Variants in MARCHF4 observed in about 807,000 individuals in gnomAD.
MARCHF4 encodes E3 ubiquitin-protein ligase MARCHF4.
Under a neutral mutation model 43.9 loss-of-function variants are expected in MARCHF4, and 14 were observed. The ratio of observed to expected loss-of-function variants is 0.32; its 90% confidence interval spans 0.21 to 0.50. The LOEUF is 0.50. MARCHF4 is among the 20% of genes least tolerant of loss of function. MARCHF4 has a pLI of 0.98. For synonymous variants in MARCHF4, 226 were observed against 213.3 expected (o/e 1.06, Z -0.52); for missense variants, 468 against 536.7 (o/e 0.87, Z 1.27).
chr2:216,304,949 G>A (rs751105002), intron 1 of MARCHF4, among the ~76,000 whole-genome samples: 13 of 151,658 alleles, frequency 8.6e-5, no homozygotes, highest in East Asian at 1.9e-4. Flanking sequence ...GTGAGACTCC[G>A]TCTCAAAAAA....
chr2:216,259,542 G>A lies in MARCHF4; in HGVS notation c.1003C>T (p.Arg335Trp), dbSNP rs530847926. Residue 335 changes from arginine (R) to tryptophan (W), a missense_variant, in exon 4 of 4, where the codon CGG becomes TGG. Physicochemically the swap from Arg to Trp is moderately radical, Grantham distance 101 (BLOSUM62 -3). Coordinates refer to ENST00000273067, the MANE Select transcript of MARCHF4 (RefSeq NM_020814.3). The stretch of plus-strand genomic sequence containing the variant: ...TTGGCCTGGGTGGATGAGGAGGTCC[G>A]GGGGTTGGTCCTGCCTCCTGCCTTT... ...DQKAGGRTNP[R>W]TSSSTQANIP... 1.6e-4 allele frequency: 258 copies of A among 1,614,174 alleles called. 1 individual carries two copies. Among genetic ancestry groups the A allele is most frequent in the Middle Eastern group, 6.6e-4 (4 of 6,062 alleles).
rs534157230 is a variant in MARCHF4, at chr2:216,263,732, C to T, written c.866-4053G>A. Among the ~76,000 whole-genome samples the T allele has an allele frequency of 6.3e-3, 960 of 152,212 alleles. 5 individuals are homozygous for T. Among genetic ancestry groups the T allele is most frequent in the Non-Finnish European group, 9.9e-3 (676 of 68,004 alleles). ...GTGTGTGTGGGGGAAAGAACAGCCG[C>T]CACCAGTGTGAGGGAAACGGTGTTC... On this transcript the variant is annotated intron_variant, in intron 3 of 3. Coordinates refer to ENST00000273067, the MANE Select transcript of MARCHF4 (RefSeq NM_020814.3).
At chr2:216,339,591 G>A (rs1344792952) in intron 1 of MARCHF4, among the ~76,000 whole-genome samples, 1 of 152,228 alleles carries the variant, frequency 6.6e-6, no homozygotes, top group Non-Finnish European at 1.5e-5. Flanking sequence ...GCTGCTCAGT[G>A]GAGAAGTGTT....
chr2:216,290,659 C>T lies in MARCHF4; in HGVS notation c.517-6930G>A, dbSNP rs572631934. On this transcript the variant is annotated intron_variant, in intron 1 of 3. Transcript: ENST00000273067. ...GTGTTGTGTTCATCCAGGTGAGTCA[C>T]GATGGTGTTTTGGACCACTATTGTA... Among the ~76,000 whole-genome samples, 52 of 152,108 alleles carry T rather than the reference C, an allele frequency of 3.4e-4. 1 individual carries two copies. In the South Asian group the frequency reaches 9.4e-3, roughly 27 times the overall value.
At chr2:216,268,736 A>G (rs1215629800) in intron 3 of MARCHF4, among the ~76,000 whole-genome samples, 1 of 152,238 alleles carries the variant, frequency 6.6e-6, no homozygotes, top group Non-Finnish European at 1.5e-5. Context: ...CTCGTACTGC[A>G]CTAGGCTGCC....
At chr2:216,282,445 A>C (rs1691144523) in intron 2 of MARCHF4, among the ~76,000 whole-genome samples, 1 of 150,128 alleles carries the variant, frequency 6.7e-6, no homozygotes, top group Admixed American at 6.6e-5. Flanking sequence ...AACCCCCATT[A>C]CCCCTCCTGG....
At chr2:216,298,935 C>T (rs1046840841) in intron 1 of MARCHF4, among the ~76,000 whole-genome samples, 9 of 152,144 alleles carry the variant, frequency 5.9e-5, no homozygotes, top group East Asian at 5.8e-4. Context: ...ACTGCCAAAT[C>T]GGCCTTCAGG....
At chr2:216,274,356 G>T (rs1200925310) in intron 3 of MARCHF4, among the ~76,000 whole-genome samples, 1 of 152,144 alleles carries the variant, frequency 6.6e-6, no homozygotes, top group East Asian at 1.9e-4. Flanking sequence ...CTCTCTGGAA[G>T]TCCCCATGAG....
At chr2:216,270,134 G>A (rs1050618473) in intron 3 of MARCHF4, among the ~76,000 whole-genome samples, 1 of 151,512 alleles carries the variant, frequency 6.6e-6, no homozygotes, top group Admixed American at 6.6e-5. Context: ...GGAGTGCAGT[G>A]GCATAATCAT....
intron 1 of MARCHF4, among the ~76,000 whole-genome samples, chr2:216,339,499 A>G (rs1218038201): frequency 6.6e-6 from 1 of 152,146 alleles, no homozygotes; most frequent in Non-Finnish European, 1.5e-5. Context: ...TTTTTAGTAA[A>G]TATGTCAAAA....
intron 3 of MARCHF4, among the ~76,000 whole-genome samples, chr2:216,267,448 C>A (rs1479195059): frequency 1.3e-5 from 2 of 152,218 alleles, no homozygotes; most frequent in African/African-American, 4.8e-5. Context: ...GCAAAAGACT[C>A]AGCAGCCCAA....
chr2:216,274,868 G>A (rs1690996169), intron 3 of MARCHF4, among the ~76,000 whole-genome samples: 1 of 148,702 alleles, frequency 6.7e-6, no homozygotes, highest in South Asian at 2.2e-4. Context: ...AATGGTATAG[G>A]TTCTTATTAT....
chr2:216,314,383 G>A (rs1183828536), intron 1 of MARCHF4, among the ~76,000 whole-genome samples: 2 of 151,158 alleles, frequency 1.3e-5, no homozygotes, highest in South Asian at 2.1e-4. Flanking sequence ...GAGTGCAGTG[G>A]TGCAATCTCA....
At chr2:216,268,571 G>C (rs1189579333) in intron 3 of MARCHF4, among the ~76,000 whole-genome samples, 3 of 152,180 alleles carry the variant, frequency 2.0e-5, no homozygotes, top group African/African-American at 7.2e-5. Context: ...ATGATTGTAA[G>C]TTTCCTGGGG....
intron 1 of MARCHF4, among the ~76,000 whole-genome samples, chr2:216,319,411 C>A (rs572736424): frequency 6.6e-6 from 1 of 152,084 alleles, no homozygotes; most frequent in Non-Finnish European, 1.5e-5. Flanking sequence ...ACCCAGTGCA[C>A]GGCAGACACT....
intron 1 of MARCHF4, among the ~76,000 whole-genome samples, chr2:216,302,430 A>C (rs1691506117): frequency 6.8e-6 from 1 of 147,728 alleles, no homozygotes; most frequent in Non-Finnish European, 1.5e-5. Context: ...GGGTTTCACC[A>C]TGTTAGCCAG....
At chr2:216,306,532 T>C (rs1448283543) in intron 1 of MARCHF4, among the ~76,000 whole-genome samples, 3 of 152,210 alleles carry the variant, frequency 2.0e-5, no homozygotes, top group Non-Finnish European at 4.4e-5. Context: ...TAATAAACCA[T>C]ACATTTAACT....
At chr2:216,354,953 T>TTC (rs1169632327) in intron 1 of MARCHF4, among the ~76,000 whole-genome samples, 2 of 145,622 alleles carry the variant, frequency 1.4e-5, no homozygotes, top group African/African-American at 5.2e-5. Context: ...CTTTCTTTCT[T>TTC]TCTTTCTTTC....
chr2:216,365,322 G>A (rs997406680), intron 1 of MARCHF4, among the ~76,000 whole-genome samples: 7 of 152,212 alleles, frequency 4.6e-5, no homozygotes, highest in African/African-American at 1.7e-4. Flanking sequence ...GGCAGATTAA[G>A]CCTGCTAAAC....
Sources: gnomAD v4.1 joint callset for allele counts (sites outside exome capture counted in the v4.1 genomes callset) on GRCh38, gnomAD v4.1.1 for gene constraint, MANE v1.5 for transcripts, NCBI Gene and HGNC (gene_info 2026-07-23, HGNC 2026-07-21) for gene names.